Variants in PPARG observed in about 807,000 individuals in gnomAD.
PPARG encodes the protein peroxisome proliferator activated receptor gamma, also known as peroxisome proliferator-activated receptor gamma.
PPARG carries 17 observed loss-of-function variants against 39.2 expected under a neutral mutation model. That is an observed-to-expected ratio of 0.43 (90% CI 0.30 to 0.65). The LOEUF (loss-of-function observed/expected upper bound fraction) is 0.65. Among genes scored for constraint, PPARG ranks in the 30% least tolerant of loss-of-function variants. The pLI, the probability that PPARG is intolerant of heterozygous loss-of-function variation, is 0.13. For synonymous variants in PPARG, 223 were observed against 215.7 expected, an observed-to-expected ratio of 1.03 and a Z score of -0.30; for missense variants, 406 against 585.9, an observed-to-expected ratio of 0.69 and a Z score of 3.17.
At chr3:12,328,783 C>G (rs1224066264) in intron 2 of PPARG, among the ~76,000 whole-genome samples, 1 of 152,198 alleles carries the variant, frequency 6.6e-6, no homozygotes, top group Admixed American at 6.5e-5. Flanking sequence ...GCTTTCAGGC[C>G]TACATGTAGC....
chr3:12,413,383 C>T (rs111492492), intron 6 of PPARG, among the ~76,000 whole-genome samples: 23 of 152,084 alleles, frequency 1.5e-4, no homozygotes, highest in African/African-American at 5.1e-4. Flanking sequence ...ATGCAGCCTT[C>T]GGAAATGCAG....
At chr3:12,418,042 C>T (rs76213684) in intron 7 of PPARG, among the ~76,000 whole-genome samples, 13 of 150,976 alleles carry the variant, frequency 8.6e-5, no homozygotes, top group South Asian at 2.1e-4. Flanking sequence ...AAAAGTAATA[C>T]GTGGCCATTT....
chr3:12,351,860 G>A (rs1336922708), intron 2 of PPARG, among the ~76,000 whole-genome samples: 1 of 152,146 alleles, frequency 6.6e-6, no homozygotes, highest in Admixed American at 6.5e-5. Context: ...CTTAAAAAAG[G>A]AAACCTAACC....
chr3:12,428,520 C>G (rs4135358), intron 7 of PPARG, among the ~76,000 whole-genome samples: 8,533 of 152,302 alleles, frequency 0.056, 784 homozygotes, highest in African/African-American at 0.19. Context: ...GGCCTCCTGG[C>G]AACAGTGCCT....
intron 1 of PPARG, among the ~76,000 whole-genome samples, chr3:12,303,212 T>C (rs2046973388): frequency 6.6e-6 from 1 of 151,974 alleles, no homozygotes; most frequent in Non-Finnish European, 1.5e-5. Context: ...CTTTTTTTTT[T>C]TGGAGATGGA....
intron 1 of PPARG, among the ~76,000 whole-genome samples, chr3:12,308,307 G>A (rs2047129572): frequency 1.6e-5 from 2 of 121,902 alleles, no homozygotes; most frequent in South Asian, 2.8e-4. Context: ...TCACACCACT[G>A]TACTCTAACC....
At chr3:12,408,218 A>G (rs1401769071) in intron 6 of PPARG, among the ~76,000 whole-genome samples, 2 of 152,164 alleles carry the variant, frequency 1.3e-5, no homozygotes, top group East Asian at 1.9e-4. Flanking sequence ...TTTTTTCTCA[A>G]TTTTTAGAAC....
intron 2 of PPARG, chr3:12,351,473 C>CTCATGG (rs2048483592): frequency 1.3e-6 from 1 of 760,140 alleles, no homozygotes; most frequent in Admixed American, 2.0e-5. Context: ...GATGTCTTGA[C>CTCATGG]TCATGGGTGT....
chr3:12,388,273 C>G (rs2049952715), intron 4 of PPARG, among the ~76,000 whole-genome samples: 1 of 152,168 alleles, frequency 6.6e-6, no homozygotes, highest in Non-Finnish European at 1.5e-5. Context: ...CATTGCTGAT[C>G]TCACAAGAGG....
Position 12,377,592 on chromosome 3 carries a change from C to A in PPARG, c.-8-2112C>A, listed in dbSNP as rs4135323. 3.0e-3 allele frequency among the ~76,000 whole-genome samples: 462 copies of A among 151,972 alleles called. 3 individuals are homozygous for A. Among genetic ancestry groups the A allele is most frequent in the Non-Finnish European group, 3.8e-3 (261 of 67,964 alleles). ...GCAATTAAAGAAGAAGTTCATTTACCTAAATTTAATTTGCCAACTTTTCTA... is the reference window on the plus strand; with the variant it reads ...GCAATTAAAGAAGAAGTTCATTTACATAAATTTAATTTGCCAACTTTTCTA... On this transcript the variant is annotated intron_variant, in intron 2 of 7. Transcript: ENST00000651735.
chr3:12,412,959 T>A (rs1370787705), intron 6 of PPARG, among the ~76,000 whole-genome samples: 1 of 152,106 alleles, frequency 6.6e-6, no homozygotes, highest in Non-Finnish European at 1.5e-5. Context: ...TAAGACAAAA[T>A]TTGAGAATGA....
intron 2 of PPARG, among the ~76,000 whole-genome samples, chr3:12,317,382 G>T (rs749294806): frequency 6.6e-6 from 1 of 152,050 alleles, no homozygotes; most frequent in Non-Finnish European, 1.5e-5. Flanking sequence ...CTATTCTTCT[G>T]TAGTTTCTTC....
intron 2 of PPARG, among the ~76,000 whole-genome samples, chr3:12,343,583 A>G (rs1169104416): frequency 6.6e-6 from 1 of 152,188 alleles, no homozygotes; most frequent in Non-Finnish European, 1.5e-5. Flanking sequence ...AGCTCAACAG[A>G]AATTACTCTA....
At chr3:12,418,665 C>T (rs1029400952) in intron 7 of PPARG, among the ~76,000 whole-genome samples, 2 of 152,190 alleles carry the variant, frequency 1.3e-5, no homozygotes, top group African/African-American at 4.8e-5. Context: ...GACCATTTTA[C>T]AAATGAGGAA....
rs569832739 is a variant in PPARG at position 12,421,404 on chromosome 3, C to T, written c.1180+4250C>T. 5.3e-5 allele frequency among the ~76,000 whole-genome samples: 8 copies of T among 152,316 alleles called. No homozygotes were observed. The East Asian group carries it at 1.5e-3, about 29-fold the overall frequency. The stretch of plus-strand genomic sequence containing the variant: ...CCAGCAAAGCCATGTTTGCAACTGG[C>T]GCCGCAGCATCATGCCAGCCACCCT... On this transcript the variant is annotated intron_variant, in intron 7 of 7. Transcript: ENST00000651735.
intron 7 of PPARG, among the ~76,000 whole-genome samples, chr3:12,424,608 T>A (rs1052492435): frequency 1.3e-5 from 2 of 152,172 alleles, no homozygotes; most frequent in Non-Finnish European, 2.9e-5. Flanking sequence ...AGACAGATCA[T>A]CTGCAAGTGA....
At chr3:12,417,790 A>G (rs951232911) in intron 7 of PPARG, among the ~76,000 whole-genome samples, 3 of 150,710 alleles carry the variant, frequency 2.0e-5, no homozygotes, top group African/African-American at 7.4e-5. Context: ...TTATTTAGCA[A>G]TTTGTTGTAT....
chr3:12,372,327 G>A (rs1214376825), intron 2 of PPARG, among the ~76,000 whole-genome samples: 1 of 152,210 alleles, frequency 6.6e-6, no homozygotes, highest in African/African-American at 2.4e-5. Flanking sequence ...AAAGTCACAA[G>A]TGTGGGCTAT....
At chr3:12,289,687 G>T (rs1343792855) in intron 1 of PPARG, among the ~76,000 whole-genome samples, 1 of 152,188 alleles carries the variant, frequency 6.6e-6, no homozygotes, top group African/African-American at 2.4e-5. Flanking sequence ...CCAACTGATG[G>T]TGCTAGATGA....
Sources: allele counts gnomAD v4.1 joint callset (sites outside exome capture counted in the v4.1 genomes callset), GRCh38; gene constraint gnomAD v4.1.1; transcripts MANE v1.5; gene names NCBI Gene and HGNC (gene_info 2026-07-23, HGNC 2026-07-21).